CEP162: variants seen among roughly 807,000 people sequenced by gnomAD.
The protein encoded by CEP162 is centrosomal protein of 162 kDa.
A neutral mutation model predicts 169.2 loss-of-function variants in CEP162; 141 were observed. The observed-to-expected ratio is 0.83, with a 90% CI of 0.73 to 0.96. CEP162 has a LOEUF of 0.96. CEP162 is among the 40% of genes least tolerant of loss of function. CEP162 has a pLI of 0.00. For missense variants in CEP162, 1,600 were observed against 1,587.2 expected, an observed-to-expected ratio of 1.01 and a Z score of -0.14; for synonymous variants, 540 against 526.4, an observed-to-expected ratio of 1.03 and a Z score of -0.35.
chr6:84,148,820 G>A (rs2099520037), intron 24 of CEP162, among the ~76,000 whole-genome samples: 1 of 152,046 alleles, frequency 6.6e-6, no homozygotes, highest in Non-Finnish European at 1.5e-5. Context: ...CCAAAAGGTG[G>A]CTGATTTGCC....
intron 3 of CEP162, 99 bp from the exon 4 acceptor site, chr6:84,216,021 G>C (rs1562095032): frequency 7.3e-7 from 1 of 1,370,658 alleles, no homozygotes; most frequent in Non-Finnish European, 9.5e-7. Context: ...TTTGTGCACA[G>C]TAGCTATAAA....
rs184978841 is a variant in CEP162 at position 84,134,380 on chromosome 6, C to T, written c.3871-7868G>A. On this transcript the variant is annotated intron_variant, in intron 25 of 26. Transcript: ENST00000403245. ...AGGGGTGTCTTGCTGGCATTCCAGG[C>T]GCCACTGTGGTATGAAAAAAAACTC... Among the ~76,000 whole-genome samples, 79 of 152,188 alleles carry T rather than the reference C, an allele frequency of 5.2e-4. 1 individual carries two copies. The highest frequency in any genetic ancestry group is 2.6e-4 in the African/African-American group (11 of 41,526).
At position 84,163,125 on chromosome 6, in the gene CEP162, T is replaced by TTGAA; in HGVS notation, c.2512+18_2512+19insTTCA. The stretch of plus-strand genomic sequence containing the variant: ...CAGTTATGATTATAAAGGTACACTG[T>TTGAA]TTCAGCTCAGTGTTTTACCTGTGAC... On this transcript the variant is annotated intron_variant, in intron 19 of 26. Transcript: ENST00000403245. 6.2e-7 allele frequency: 1 copy of TTGAA among 1,610,660 alleles called. No individual in the cohort carries two copies. Among genetic ancestry groups the TTGAA allele is most frequent in the Non-Finnish European group, 8.5e-7 (1 of 1,177,522 alleles).
Position 84,225,095 on chromosome 6 carries a change from G to A in CEP162, c.57+1242C>T, listed in dbSNP as rs139188307. The stretch of plus-strand genomic sequence containing the variant: ...CCCTTTTTTAACAAGAATGTATAAC[G>A]TATAATAGCTTAAAATGTGACTCTC... On this transcript the variant is annotated intron_variant, in intron 2 of 26. Coordinates refer to ENST00000403245, the MANE Select transcript of CEP162 (RefSeq NM_014895.4). Among the ~76,000 whole-genome samples the A allele has an allele frequency of 3.0e-3, 458 of 152,146 alleles. 2 individuals carry two copies. The highest frequency in any genetic ancestry group is 1.0e-2 in the African/African-American group (415 of 41,512).
In CEP162 at chr6:84,215,800, T is replaced by G. The variant is rs766219996; in HGVS notation, c.295A>C (p.Ser99Arg). 42 of 1,592,062 alleles carry G rather than the reference T, an allele frequency of 2.6e-5. No homozygotes were observed. The highest frequency in any genetic ancestry group is 2.1e-4 in the Admixed American group (12 of 57,066). The part of the protein sequence containing the change: ...FLKSSGTSLL[S>R]TDSLETNELV... ...CCATTTGTTTCTAAGCTATCAGTAC[T>G]TAAGAGAGAGGTTCCACTGCTCTTA... is the stretch of plus-strand genomic sequence containing the variant. The change falls in exon 4 of 27, where the codon AGT (serine) becomes CGT (arginine). Residue 99 changes from serine (S) to arginine (R), a missense_variant. By Grantham distance (110) the Ser-to-Arg change is moderately radical. Coordinates refer to ENST00000403245, the MANE Select transcript of CEP162 (RefSeq NM_014895.4).
chr6:84,128,214 T>C (rs1342442343), intron 25 of CEP162, among the ~76,000 whole-genome samples: 1 of 152,198 alleles, frequency 6.6e-6, no homozygotes, highest in African/African-American at 2.4e-5. Context: ...CTTAGAAATC[T>C]GGTTTTAGAC....
In CEP162 at chr6:84,194,957, A is replaced by C. The variant is rs754826194; in HGVS notation, c.954T>G (p.Asp318Glu). The change falls in exon 10 of 27, where the codon GAT becomes GAG. Residue 318 changes from aspartate to glutamate, a missense_variant. Transcript: ENST00000403245. Reference sequence around the variant, plus strand: ...GATGACCTTTCACTGAGCTCTTGATATCTTCCACTGTGTTACTCTCAATTT... The same window carrying C: ...GATGACCTTTCACTGAGCTCTTGATCTCTTCCACTGTGTTACTCTCAATTT... ...KQKIESNTVE[D>E]IKSSVKGHPQ... 1.2e-6 allele frequency: 2 copies of C among 1,613,608 alleles called. No individual in the cohort carries two copies. The highest frequency in any genetic ancestry group is 1.7e-6 in the Non-Finnish European group (2 of 1,179,736).
At chr6:84,131,336 G>A (rs1019179969) in intron 25 of CEP162, among the ~76,000 whole-genome samples, 1 of 152,192 alleles carries the variant, frequency 6.6e-6, no homozygotes, top group Non-Finnish European at 1.5e-5. Context: ...ATTTGGGGTG[G>A]AGAGTTCTGT....
At chr6:84,200,376 C>T (rs543208979) in intron 9 of CEP162, among the ~76,000 whole-genome samples, 71 of 152,318 alleles carry the variant, frequency 4.7e-4, no homozygotes, top group Non-Finnish European at 6.6e-4. Context: ...TAGTTGGTCT[C>T]AGGTATTTCA....
intron 21 of CEP162, among the ~76,000 whole-genome samples, chr6:84,159,020 T>C (rs1236033158): frequency 3.3e-5 from 5 of 151,538 alleles, no homozygotes; most frequent in Non-Finnish European, 7.4e-5. Flanking sequence ...ATGCATCTAA[T>C]TAGCCCCATT....
chr6:84,203,018 C>A (rs1439391757), intron 7 of CEP162, among the ~76,000 whole-genome samples: 2 of 152,186 alleles, frequency 1.3e-5, no homozygotes, highest in African/African-American at 4.8e-5. Context: ...CACACAGTAC[C>A]AAAGAGACTG....
Position 84,169,339 on chromosome 6 carries a change from G to A in CEP162, c.2374C>T (p.Arg792Trp), listed in dbSNP as rs138206646. 66 of 1,563,210 alleles carry A rather than the reference G, an allele frequency of 4.2e-5. No individual in the cohort carries two copies. In the Middle Eastern group the frequency reaches 1.2e-3, roughly 28 times the overall value. ...QNFTDLLAELRMAQKEKDSLL... is the reference protein window; with the variant it reads ...QNFTDLLAELWMAQKEKDSLL... Reference sequence around the variant, plus strand: ...GTTATGCAACTTACCTGTGCCATCCGTAGTTCTGCTAACAGATCTGTAAAA... The same window carrying A: ...GTTATGCAACTTACCTGTGCCATCCATAGTTCTGCTAACAGATCTGTAAAA... The change falls in exon 18 of 27, where the codon CGG (arginine) becomes TGG (tryptophan). Residue 792 changes from arginine to tryptophan, a missense_variant. Coordinates refer to ENST00000403245, the MANE Select transcript of CEP162 (RefSeq NM_014895.4).
chr6:84,226,191 G>C (rs1274485686), intron 2 of CEP162, 146 bp downstream of exon 2: 1 of 610,068 alleles, frequency 1.6e-6, no homozygotes, highest in Non-Finnish European at 2.9e-6. Flanking sequence ...CACTGAACTA[G>C]CAGTGGCAGA....
chr6:84,169,250 A>C, intron 18 of CEP162, 78 bp downstream of exon 18: 1 of 788,524 alleles, frequency 1.3e-6, no homozygotes, highest in Non-Finnish European at 2.0e-6. Context: ...GTAATTTTTT[A>C]ATAAAAATTT....
chr6:84,174,777 C>G lies in CEP162; in HGVS notation c.1975G>C (p.Glu659Gln). ...NKLEELKKQQ[E>Q]KELFKLNQDN... ...TGATTCAATTTGAAGAGTTCTTTTT[C>G]CTGTTGTTTCTTTAGTTCTTCCAAC... The change falls in exon 15 of 27, where the codon GAA becomes CAA. Residue 659 changes from glutamate to glutamine, a missense_variant. Glu to Gln is a conservative substitution (Grantham distance 29). Transcript: ENST00000403245. The G allele has an allele frequency of 6.4e-7, 1 of 1,564,818 alleles. No homozygotes were observed. Among genetic ancestry groups the G allele is most frequent in the Non-Finnish European group, 8.7e-7 (1 of 1,147,010 alleles).
intron 21 of CEP162, among the ~76,000 whole-genome samples, chr6:84,156,654 T>C (rs2099523292): frequency 6.6e-6 from 1 of 152,000 alleles, no homozygotes; most frequent in Non-Finnish European, 1.5e-5. Flanking sequence ...TGGAAAACAG[T>C]GTGGAGATTT....
intron 25 of CEP162, among the ~76,000 whole-genome samples, chr6:84,133,656 C>T (rs1030494247): frequency 7.2e-5 from 11 of 152,222 alleles, no homozygotes; most frequent in African/African-American, 2.7e-4. Flanking sequence ...GCATTGGACC[C>T]TCTGAGCCAT....
intron 11 of CEP162, among the ~76,000 whole-genome samples, chr6:84,192,165 A>G (rs2099540194): frequency 6.6e-6 from 1 of 152,214 alleles, no homozygotes; most frequent in Admixed American, 6.5e-5. Flanking sequence ...TAAGATTTCA[A>G]GGATTATGTT....
intron 25 of CEP162, among the ~76,000 whole-genome samples, chr6:84,145,783 A>C (rs1405096560): frequency 6.6e-6 from 1 of 152,160 alleles, no homozygotes; most frequent in African/African-American, 2.4e-5. Context: ...GACAATTTTC[A>C]TGCCTATTGC....
Sources: gnomAD v4.1 joint callset for allele counts (sites outside exome capture counted in the v4.1 genomes callset) on GRCh38, gnomAD v4.1.1 for gene constraint, MANE v1.5 for transcripts, NCBI Gene and HGNC (gene_info 2026-07-23, HGNC 2026-07-21) for gene names.